The following PITPNM2 variants were observed in gnomAD, a reference collection of about 807,000 sequenced individuals.
PITPNM2 encodes the protein phosphatidylinositol transfer protein membrane associated 2, also known as membrane-associated phosphatidylinositol transfer protein 2.
PITPNM2 carries 35 observed loss-of-function variants against 132.2 expected under a neutral mutation model. The ratio of observed to expected loss-of-function variants is 0.26; its 90% CI spans 0.20 to 0.35. The LOEUF (loss-of-function observed/expected upper bound fraction) is 0.35. Ranked by LOEUF, PITPNM2 falls within the 10% of genes least tolerant of loss-of-function variation. PITPNM2 has a pLI of 1.00. For missense variants in PITPNM2, 1,332 were observed against 1,912.0 expected, an observed-to-expected ratio of 0.70 and a Z score of 5.66; for synonymous variants, 738 against 799.2, an observed-to-expected ratio of 0.92 and a Z score of 1.29.
At chr12:123,094,069 G>C (rs1028100533) in intron 2 of PITPNM2, among the ~76,000 whole-genome samples, 2 of 152,234 alleles carry the variant, frequency 1.3e-5, no homozygotes, top group Admixed American at 1.3e-4. Context: ...GGCCTGGTTA[G>C]GGGCCACATG....
At chr12:123,093,164 A>G (rs1321286355) in intron 2 of PITPNM2, among the ~76,000 whole-genome samples, 2 of 152,210 alleles carry the variant, frequency 1.3e-5, no homozygotes, top group Middle Eastern at 3.2e-3. Context: ...AATGTCCATG[A>G]TAGGCAAATC....
At position 123,000,096 on chromosome 12, in the gene PITPNM2, T is replaced by TC. The variant is rs1370496473; in HGVS notation, c.1224+681dup. Among the ~76,000 whole-genome samples, 1 of 150,138 alleles carries TC rather than the reference T, an allele frequency of 6.7e-6. No individual in the cohort carries two copies. The highest frequency in any genetic ancestry group is 2.5e-5 in the African/African-American group (1 of 40,752). On this transcript the variant is annotated intron_variant, in intron 10 of 25. Transcript: ENST00000320201. The surrounding 1 kb of genome is among the most constrained non-coding windows in gnomAD (Gnocchi z 5.4). ...TGTCCCTCCTCCTCCCCGCCTAGAT[T>TC]CCCCGGGGGCCCGAGTTCCCCACAG...
In PITPNM2 at chr12:122,988,738, A is replaced by G. The variant is rs1262264340; in HGVS notation, c.2866T>C (p.Phe956Leu). 1.3e-6 allele frequency: 2 copies of G among 1,564,366 alleles called. No individual in the cohort carries two copies. Among genetic ancestry groups the G allele is most frequent in the East Asian group, 2.4e-5 (1 of 42,332 alleles). ...SYWESTDVVS[F>L]LLRQVMRHDN... ...GCCCCGGGTACCTGTCTCAGCAGAA[A>G]GGAGACCACGTCTGTTGACTCCCAG... Residue 956 changes from phenylalanine to leucine, a missense_variant, in exon 19 of 26, where the codon TTT becomes CTT. Around this residue, in one of 6 missense-constraint regions of PITPNM2, gnomAD observed 251 missense variants for 472.0 expected, o/e 0.53. Coordinates refer to ENST00000320201, the MANE Select transcript of PITPNM2 (RefSeq NM_020845.3).
rs537322824 is a variant in PITPNM2 at position 123,022,133 on chromosome 12, G to A, written c.79-8091C>T. On this transcript the variant is annotated intron_variant, in intron 3 of 25. Coordinates refer to ENST00000320201, the MANE Select transcript of PITPNM2 (RefSeq NM_020845.3). The surrounding 1 kb of genome is among the most constrained non-coding windows in gnomAD (Gnocchi z 4.9). ...TCATTTCCGGTGCTCAGAGGCTCCC[G>A]GTACAGCCAAGAGGTGCGGGGAAGG... 9.1e-4 allele frequency among the ~76,000 whole-genome samples: 138 copies of A among 152,262 alleles called. No individual in the cohort carries two copies. The highest frequency in any genetic ancestry group is 3.2e-3 in the African/African-American group (135 of 41,540).
chr12:123,010,158 A>C, intron 5 of PITPNM2, 81 bp from the exon 6 acceptor site: 1 of 1,215,388 alleles, frequency 8.2e-7, no homozygotes, highest in Non-Finnish European at 1.2e-6. Context: ...TCCACCCCCA[A>C]ATCCTCCCAG....
chr12:123,146,538 G>A (rs576542174), intron 1 of PITPNM2, among the ~76,000 whole-genome samples: 1 of 152,016 alleles, frequency 6.6e-6, no homozygotes, highest in Non-Finnish European at 1.5e-5. Flanking sequence ...AGGTTGCAGT[G>A]AGCCAAGATC....
chr12:123,126,112 G>A (rs994616947), intron 1 of PITPNM2, among the ~76,000 whole-genome samples: 1 of 151,590 alleles, frequency 6.6e-6, no homozygotes, highest in Non-Finnish European at 1.5e-5. Flanking sequence ...CTTGTGATCC[G>A]CCTGCCTCGG....
chr12:123,086,016 A>C (rs2042102278), intron 2 of PITPNM2, among the ~76,000 whole-genome samples: 1 of 152,238 alleles, frequency 6.6e-6, no homozygotes, highest in South Asian at 2.1e-4. Context: ...TGGTCTCGGC[A>C]TTCACTGCAC....
chr12:123,054,134 G>T (rs2040948107), intron 2 of PITPNM2, among the ~76,000 whole-genome samples: 1 of 151,522 alleles, frequency 6.6e-6, no homozygotes, highest in South Asian at 2.1e-4. Context: ...TTATCCTAGG[G>T]ACAGGGTCTT....
At position 122,984,494 on chromosome 12, in the gene PITPNM2, T is replaced by A. The variant is rs766036481; in HGVS notation, c.*1533A>T. 7 of 152,538 alleles carry A rather than the reference T, an allele frequency of 4.6e-5. No individual in the cohort carries two copies. The highest frequency in any genetic ancestry group is 1.0e-4 in the Non-Finnish European group (7 of 68,054). The allele number at this position is 152,538 out of a possible 1,614,324, so 9.4% of individuals were successfully genotyped here. On this transcript the variant is annotated 3_prime_UTR_variant, in exon 26 of 26. Transcript: ENST00000320201. ...AAACAACAAAAAGCTACATCTTAAA[T>A]ATGAATAAACCCTGAAGGTTCCATC... is the stretch of plus-strand genomic sequence containing the variant.
intron 2 of PITPNM2, among the ~76,000 whole-genome samples, chr12:123,096,620 G>C (rs1408657941): frequency 6.6e-6 from 1 of 152,168 alleles, no homozygotes; most frequent in Non-Finnish European, 1.5e-5. Context: ...AACAGGGAAG[G>C]AGACAGCCAC....
chr12:123,098,803 C>T (rs1351680899), intron 2 of PITPNM2, among the ~76,000 whole-genome samples: 4 of 152,070 alleles, frequency 2.6e-5, no homozygotes, highest in Non-Finnish European at 5.9e-5. Flanking sequence ...GCTCAGGGGC[C>T]GGCTTCCTTC....
intron 2 of PITPNM2, among the ~76,000 whole-genome samples, chr12:123,101,916 G>A (rs1425365528): frequency 6.6e-6 from 1 of 152,158 alleles, no homozygotes; most frequent in Non-Finnish European, 1.5e-5. Flanking sequence ...AAATTAGCTG[G>A]GTGTGGTGTG....
chr12:122,994,758 C>A lies in PITPNM2; in HGVS notation c.2233+43G>T. 1 of 1,579,052 alleles carries A rather than the reference C, an allele frequency of 6.3e-7. No individual in the cohort carries two copies. On this transcript the variant is annotated intron_variant, in intron 15 of 25. Transcript: ENST00000320201. The surrounding 1 kb of genome is among the most constrained non-coding windows in gnomAD (Gnocchi z 5.4). ...GTCCACTGAGACCCCCGCCCCCGCA[C>A]CCAGTGCATGTACCCCCCATCCTGC... is the stretch of plus-strand genomic sequence containing the variant.
intron 2 of PITPNM2, among the ~76,000 whole-genome samples, chr12:123,086,021 C>T (rs752485824): frequency 1.1e-4 from 16 of 152,274 alleles, no homozygotes; most frequent in Non-Finnish European, 2.1e-4. Flanking sequence ...TCGGCATTCA[C>T]TGCACCCTTT....
chr12:123,065,758 C>T (rs1387704167), intron 2 of PITPNM2, among the ~76,000 whole-genome samples: 1 of 152,164 alleles, frequency 6.6e-6, no homozygotes, highest in African/African-American at 2.4e-5. Context: ...GGGACATCAT[C>T]CCCAAGGTGG....
intron 2 of PITPNM2, among the ~76,000 whole-genome samples, chr12:123,104,423 G>T (rs554581926): frequency 6.6e-4 from 100 of 152,286 alleles, no homozygotes; most frequent in African/African-American, 2.3e-3. Flanking sequence ...CGCCTTAACT[G>T]ATGACATTCC....
chr12:123,012,011 C>G (rs1271974370), intron 5 of PITPNM2, among the ~76,000 whole-genome samples: 1 of 152,244 alleles, frequency 6.6e-6, no homozygotes, highest in Non-Finnish European at 1.5e-5. Context: ...TCCACAGTGA[C>G]TTGGGCCTTG....
chr12:123,071,141 C>G (rs1028482996), intron 2 of PITPNM2, among the ~76,000 whole-genome samples: 1 of 152,214 alleles, frequency 6.6e-6, no homozygotes, highest in Non-Finnish European at 1.5e-5. Flanking sequence ...GAGGGAGCAA[C>G]AGGCTGAACT....
Sources: gnomAD v4.1 joint callset for allele counts (sites outside exome capture counted in the v4.1 genomes callset) on GRCh38, gnomAD v4.1.1 for gene constraint, gnomAD v4.1.1 regional missense constraint, Gnocchi (gnomAD v3.1) non-coding constraint, MANE v1.5 for transcripts, NCBI Gene and HGNC (gene_info 2026-07-23, HGNC 2026-07-21) for gene names.